The following EPG5 variants were observed in gnomAD, a reference collection of about 807,000 sequenced individuals.
The protein encoded by EPG5 is ectopic P granules protein 5 homolog.
EPG5 carries 159 observed loss-of-function variants against 302.7 expected under a neutral mutation model. The ratio of observed to expected loss-of-function variants is 0.53; its 90% CI spans 0.46 to 0.60. The LOEUF (loss-of-function observed/expected upper bound fraction) is 0.60, where lower values mean the gene tolerates loss of function less well. Ranked by LOEUF, EPG5 falls within the 20% of genes least tolerant of loss-of-function variation. EPG5 has a pLI of 0.00. For missense variants in EPG5, 2,896 were observed against 3,092.4 expected (o/e 0.94, Z 1.51); for synonymous variants, 1,158 against 1,136.8 (o/e 1.02, Z -0.37).
chr18:45,856,710 T>C (rs1483060409), intron 42 of EPG5, among the ~76,000 whole-genome samples: 1 of 152,218 alleles, frequency 6.6e-6, no homozygotes, highest in African/African-American at 2.4e-5. Context: ...AACATCACAA[T>C]GGGCTATTCC....
At chr18:45,817,157 G>A in the EPG5 span, among the ~76,000 whole-genome samples, 1 of 152,048 alleles carries the variant, frequency 6.6e-6, no homozygotes, top group Non-Finnish European at 1.5e-5. Context: ...GCTACAAATA[G>A]GATGCATTGT....
At chr18:45,960,286 C>T (rs184207059) in intron 1 of EPG5, among the ~76,000 whole-genome samples, 1 of 152,194 alleles carries the variant, frequency 6.6e-6, no homozygotes, top group Admixed American at 6.5e-5. Flanking sequence ...AAATCAGAGA[C>T]AAGGTCTCAC....
chr18:45,904,804 TA>T (rs1251259796), intron 24 of EPG5, among the ~76,000 whole-genome samples: 9 of 152,218 alleles, frequency 5.9e-5, no homozygotes, highest in African/African-American at 1.4e-4. Context: ...ATATTTGATA[TA>T]AAAAATTATT....
intron 8 of EPG5, 46 bp from the exon 9 acceptor site, chr18:45,943,357 A>G: frequency 6.6e-7 from 1 of 1,523,438 alleles, no homozygotes; most frequent in Middle Eastern, 1.7e-4. Context: ...TTACTATGAA[A>G]AAACATGAAC....
chr18:45,858,049 T>C lies in EPG5; in HGVS notation c.7246A>G (p.Lys2416Glu). The change falls in exon 42 of 44, where the codon AAG becomes GAG. Residue 2416 changes from lysine (K) to glutamate (E), a missense_variant. By Grantham distance (56) the Lys-to-Glu change is moderately conservative. Transcript: ENST00000282041. ...VYPSSVEEEAKLFLWWHQVLQ... is the reference protein window; with the variant it reads ...VYPSSVEEEAELFLWWHQVLQ... Reference sequence around the variant, plus strand: ...ACTTGGTGCCACCACAAAAACAGCTTTGCCTCTTCCTCCACGGAGCTAGGG... The same window carrying C: ...ACTTGGTGCCACCACAAAAACAGCTCTGCCTCTTCCTCCACGGAGCTAGGG... 1 of 1,613,536 alleles carries C rather than the reference T, an allele frequency of 6.2e-7. No individual in the cohort carries two copies. The highest frequency in any genetic ancestry group is 8.5e-7 in the Non-Finnish European group (1 of 1,179,698).
intron 26 of EPG5, among the ~76,000 whole-genome samples, chr18:45,900,453 T>C (rs1250898565): frequency 2.0e-5 from 3 of 149,230 alleles, no homozygotes; most frequent in Non-Finnish European, 3.0e-5. Context: ...TTTGTAAAAG[T>C]AAGGCTCGCT....
chr18:45,878,548 T>C, intron 33 of EPG5, 100 bp from the exon 34 acceptor site: 2 of 738,648 alleles, frequency 2.7e-6, no homozygotes, highest in Non-Finnish European at 4.6e-6. Flanking sequence ...ATCTGTAGCT[T>C]CATAAACCTA....
chr18:45,954,449 C>T lies in EPG5; in HGVS notation c.953G>A (p.Cys318Tyr), dbSNP rs772860656. The T allele has an allele frequency of 6.2e-7, 1 of 1,613,984 alleles. No individual in the cohort carries two copies. Among genetic ancestry groups the T allele is most frequent in the Non-Finnish European group, 8.5e-7 (1 of 1,179,946 alleles). The change falls in exon 2 of 44, where the codon TGC becomes TAC. Residue 318 changes from cysteine to tyrosine, a missense_variant. By Grantham distance (194) the Cys-to-Tyr change is radical (BLOSUM62 -2). This residue lies in a region of EPG5 where 1,390 missense variants were observed against 1,430.0 expected (regional missense o/e 0.97). Transcript: ENST00000282041. ...EAELLTLTSD[C>Y]QNAKSRLWQF... is the part of the protein sequence containing the mutation. The stretch of plus-strand genomic sequence containing the variant: ...CCACAGCCGACTTTTAGCATTTTGG[C>T]AATCAGATGTCAGAGTAAGCAGCTC...
In EPG5 at chr18:45,884,691, T is replaced by C. The variant is rs781595923; in HGVS notation, c.5230A>G (p.Ile1744Val). Residue 1744 changes from isoleucine (I) to valine (V), a missense_variant, in exon 30 of 44, where the codon ATA (isoleucine) becomes GTA (valine). By Grantham distance (29) the Ile-to-Val change is conservative. Around this residue, in one of 5 missense-constraint regions of EPG5, gnomAD observed 790 missense variants for 798.0 expected, o/e 0.99. Coordinates refer to ENST00000282041, the MANE Select transcript of EPG5 (RefSeq NM_020964.3). ...FTPNAAPAEFIQLYEQVVKFL... is the reference protein window; with the variant it reads ...FTPNAAPAEFVQLYEQVVKFL... ...TTCACCACTTGCTCATACAGCTGTA[T>C]GAACTCTGCAGGTGCAGCATTGGGA... The C allele has an allele frequency of 6.2e-7, 1 of 1,612,108 alleles. No individual in the cohort carries two copies. Among genetic ancestry groups the C allele is most frequent in the Non-Finnish European group, 8.5e-7 (1 of 1,179,322 alleles).
the EPG5 span, among the ~76,000 whole-genome samples, chr18:45,810,224 A>C: frequency 4.6e-5 from 7 of 152,178 alleles, no homozygotes; most frequent in Admixed American, 4.6e-4. Flanking sequence ...TGGTAATTTA[A>C]AAATTACCAA....
rs749386144 is a variant in EPG5 at position 45,922,372 on chromosome 18, G to A, written c.3067C>T (p.Leu1023=). The part of the protein sequence containing the change: ...VKAGMPIGCY[L]ALSMTAVGHS... ...CCCACAGCTGTCATAGATAAGGCTA[G>A]ATAACAGCCAATGGGCATGCCCGCT... The change falls in exon 16 of 44, where the codon CTA becomes TTA. Residue 1023 remains leucine, a synonymous_variant. Coordinates refer to ENST00000282041, the MANE Select transcript of EPG5 (RefSeq NM_020964.3). The A allele has an allele frequency of 6.2e-7, 1 of 1,614,230 alleles. No homozygotes were observed. The highest frequency in any genetic ancestry group is 8.5e-7 in the Non-Finnish European group (1 of 1,180,046).
rs140929870 is a variant in EPG5, at chr18:45,943,080, C to T, written c.1943+81G>A. The T allele has an allele frequency of 7.9e-4, 1,068 of 1,357,604 alleles. 1 individual carries two copies. The highest frequency in any genetic ancestry group is 1.0e-3 in the Non-Finnish European group (998 of 998,324). The allele number at this position is 1,357,604 out of a possible 1,614,324, so 84.1% of individuals were successfully genotyped here. On this transcript the variant is annotated intron_variant, in intron 9 of 43. Coordinates refer to ENST00000282041, the MANE Select transcript of EPG5 (RefSeq NM_020964.3). Reference sequence around the variant, plus strand: ...TAAGACCTGAGGTTTACAACTAAAACGTCCATCATCCCAATTATGCAGTAT... The same window carrying T: ...TAAGACCTGAGGTTTACAACTAAAATGTCCATCATCCCAATTATGCAGTAT...
intron 28 of EPG5, among the ~76,000 whole-genome samples, chr18:45,888,972 G>C (rs2049277678): frequency 6.6e-6 from 1 of 152,100 alleles, no homozygotes; most frequent in Non-Finnish European, 1.5e-5. Context: ...TTTCTGTGTA[G>C]AATAAGATCC....
Position 45,899,310 on chromosome 18 carries a change from G to A in EPG5, c.4809+94C>T. On this transcript the variant is annotated intron_variant, in intron 27 of 43. Transcript: ENST00000282041. Reference sequence around the variant, plus strand: ...AGTAAATGTTTGGGACACAGACAGTGTGCTATATATGTCTTTCAATCTTTC... The same window carrying A: ...AGTAAATGTTTGGGACACAGACAGTATGCTATATATGTCTTTCAATCTTTC... 2.1e-6 allele frequency: 3 copies of A among 1,399,648 alleles called. No individual in the cohort carries two copies. In the Admixed American group the frequency reaches 5.4e-5, roughly 25 times the overall value. The allele number at this position is 1,399,648 out of a possible 1,614,324, so 86.7% of individuals were successfully genotyped here.
intron 1 of EPG5, among the ~76,000 whole-genome samples, chr18:45,965,120 T>TA (rs2051221816): frequency 6.6e-6 from 1 of 152,042 alleles, no homozygotes; most frequent in South Asian, 2.1e-4. Context: ...TATGCAGCCA[T>TA]AAAAAAGAAC....
chr18:45,887,904 G>C lies in EPG5; in HGVS notation c.4956C>G (p.Ala1652=), dbSNP rs1599497242. ...GCTGCAACTTGTAGGCATTCACTAA[G>C]GCCCTGTGGGAAAATGTGGGTAAGA... is the stretch of plus-strand genomic sequence containing the variant. ...AAVHAENLIT[A]LVNAYKLQPT... The change falls in exon 29 of 44, where the codon GCC becomes GCG. Residue 1652 remains alanine (A), a synonymous_variant. Transcript: ENST00000282041. 1 of 1,553,186 alleles carries C rather than the reference G, an allele frequency of 6.4e-7. No homozygotes were observed.
At chr18:45,865,938 C>A (rs2048737304) in intron 38 of EPG5, among the ~76,000 whole-genome samples, 179 bp from the exon 39 acceptor site, 1 of 152,142 alleles carries the variant, frequency 6.6e-6, no homozygotes, top group Non-Finnish European at 1.5e-5. Flanking sequence ...AAAGGCAAAT[C>A]TATGGTAACA....
At chr18:45,826,876 C>T in the EPG5 span, among the ~76,000 whole-genome samples, 2 of 152,190 alleles carry the variant, frequency 1.3e-5, no homozygotes, top group Non-Finnish European at 2.9e-5. Flanking sequence ...TAGTAACTCA[C>T]ATAAGGCTGA....
rs771774729 is a variant in EPG5 at position 45,923,298 on chromosome 18, A to G, written c.2808T>C (p.Tyr936=). ...AYQKYLAQKP[Y]AGILSESMKQ... ...TCATACTTTCAGAGAGAATCCCAGC[A>G]TATGGCTTCTGTGCAAGGTACTTCT... is the stretch of plus-strand genomic sequence containing the variant. The change falls in exon 15 of 44, where the codon TAT becomes TAC. Residue 936 remains tyrosine, a synonymous_variant. Transcript: ENST00000282041. 4 of 1,614,008 alleles carry G rather than the reference A, an allele frequency of 2.5e-6. No individual in the cohort carries two copies. The highest frequency in any genetic ancestry group is 1.7e-6 in the Non-Finnish European group (2 of 1,179,954).
Sources: gnomAD v4.1 joint callset for allele counts (sites outside exome capture counted in the v4.1 genomes callset) on GRCh38, gnomAD v4.1.1 for gene constraint, gnomAD v4.1.1 regional missense constraint, MANE v1.5 for transcripts, NCBI Gene and HGNC (gene_info 2026-07-23, HGNC 2026-07-21) for gene names.